DOCK1: variants seen among roughly 807,000 people sequenced by gnomAD.
DOCK1 encodes dedicator of cytokinesis 1.
Under a neutral mutation model 262.7 loss-of-function variants are expected in DOCK1, and 138 were observed. That is an observed-to-expected ratio of 0.53 (90% CI 0.46 to 0.61). The LOEUF is 0.61. Among genes scored for constraint, DOCK1 ranks in the 20% least tolerant of loss-of-function variants. DOCK1 has a pLI of 0.00. For synonymous variants in DOCK1, 866 were observed against 867.4 expected (o/e 1.00, Z 0.03); for missense variants, 1,908 against 2,370.7 (o/e 0.80, Z 4.05).
chr10:127,031,586 TATA>T, intron 16 of DOCK1, 61 bp from the exon 17 acceptor site: 13 of 1,305,004 alleles, frequency 1.0e-5, no homozygotes, highest in Admixed American at 7.7e-5. Flanking sequence ...TGTAGCTTCT[TATA>T]ATGTTATTTT....
intron 27 of DOCK1, among the ~76,000 whole-genome samples, chr10:127,173,160 G>A (rs978222924): frequency 2.0e-5 from 3 of 152,238 alleles, no homozygotes; most frequent in South Asian, 4.2e-4. Context: ...CAACACTCAT[G>A]CCACTAGTGG....
intron 23 of DOCK1, among the ~76,000 whole-genome samples, chr10:127,088,540 TAAC>T (rs988569701): frequency 1.2e-4 from 19 of 152,206 alleles, no homozygotes; most frequent in African/African-American, 4.3e-4. Context: ...TCTCTGAAAA[TAAC>T]AATGATTATG....
intron 29 of DOCK1, among the ~76,000 whole-genome samples, chr10:127,296,052 G>A (rs2061494175): frequency 6.6e-6 from 1 of 152,108 alleles, no homozygotes; most frequent in Non-Finnish European, 1.5e-5. Context: ...TAACCTCTCT[G>A]GGATTTCCTT....
intron 27 of DOCK1, among the ~76,000 whole-genome samples, chr10:127,153,049 GT>G (rs1386569761): frequency 6.6e-6 from 1 of 152,072 alleles, no homozygotes; most frequent in Non-Finnish European, 1.5e-5. Flanking sequence ...TTTTTAGAGG[GT>G]TTTTTGGTTT....
At chr10:127,245,475 G>A (rs766742084) in intron 27 of DOCK1, among the ~76,000 whole-genome samples, 13 of 152,336 alleles carry the variant, frequency 8.5e-5, no homozygotes, top group African/African-American at 1.4e-4. Flanking sequence ...AAGGGGCCGC[G>A]TGGTTGCCTT....
chr10:127,276,021 G>T (rs2135230301), intron 29 of DOCK1, among the ~76,000 whole-genome samples: 1 of 152,336 alleles, frequency 6.6e-6, no homozygotes, highest in Non-Finnish European at 1.5e-5. Context: ...CTCACAAGTA[G>T]AAGAGTCTAA....
At chr10:127,089,479 A>G (rs2047390698) in intron 23 of DOCK1, among the ~76,000 whole-genome samples, 1 of 151,702 alleles carries the variant, frequency 6.6e-6, no homozygotes, top group South Asian at 2.1e-4. Context: ...TCCAGCCTCA[A>G]TCTCCACTCT....
At chr10:127,038,025 G>A (rs1220878223) in intron 19 of DOCK1, among the ~76,000 whole-genome samples, 2 of 152,012 alleles carry the variant, frequency 1.3e-5, no homozygotes, top group African/African-American at 2.4e-5. Flanking sequence ...CCTGAGGTCA[G>A]GAGTTCAAGA....
chr10:127,137,009 T>G (rs918545312), intron 27 of DOCK1: 3 of 152,636 alleles, frequency 2.0e-5, no homozygotes, highest in Admixed American at 2.0e-4. Context: ...CTCAGATTCT[T>G]GCCAGAATGT....
At chr10:127,026,995 C>T (rs973105950) in intron 16 of DOCK1, among the ~76,000 whole-genome samples, 4 of 152,246 alleles carry the variant, frequency 2.6e-5, no homozygotes, top group Non-Finnish European at 5.9e-5. Context: ...TCAACTAAAG[C>T]TGTAGCCCTG....
chr10:126,938,715 A>G (rs1292290676), intron 1 of DOCK1, among the ~76,000 whole-genome samples: 1 of 151,174 alleles, frequency 6.6e-6, no homozygotes, highest in Non-Finnish European at 1.5e-5. Context: ...TGCTTCCAAA[A>G]TGGCACCTTG....
intron 6 of DOCK1, 142 bp downstream of exon 6, chr10:126,990,745 A>G (rs2039731125): frequency 1.8e-6 from 2 of 1,126,838 alleles, no homozygotes; most frequent in South Asian, 3.4e-5. Context: ...TCATTTTGAA[A>G]AGGATGAGGT....
At chr10:127,158,835 C>G (rs1007083793) in intron 27 of DOCK1, among the ~76,000 whole-genome samples, 61 of 152,152 alleles carry the variant, frequency 4.0e-4, no homozygotes, top group Admixed American at 3.3e-3. Flanking sequence ...ATGCATATAG[C>G]TTGGAAAACA....
At chr10:127,439,453 C>T (rs1044083717) in intron 49 of DOCK1, among the ~76,000 whole-genome samples, 5 of 152,192 alleles carry the variant, frequency 3.3e-5, no homozygotes, top group Non-Finnish European at 5.9e-5. Context: ...GTCCCCCTTC[C>T]GCAGGGCCTG....
At chr10:127,374,373 A>G (rs2065369857) in intron 35 of DOCK1, among the ~76,000 whole-genome samples, 159 bp downstream of exon 35, 1 of 152,158 alleles carries the variant, frequency 6.6e-6, no homozygotes, top group Non-Finnish European at 1.5e-5. Flanking sequence ...GGAAGGAATC[A>G]TGAAGTCGTC....
intron 29 of DOCK1, among the ~76,000 whole-genome samples, chr10:127,327,314 C>T (rs1053358371): frequency 6.6e-6 from 1 of 152,228 alleles, no homozygotes; most frequent in African/African-American, 2.4e-5. Context: ...CCACCCTCAT[C>T]AATGGTCTAT....
At chr10:127,058,379 T>C (rs1000068268) in intron 22 of DOCK1, among the ~76,000 whole-genome samples, 103 of 152,038 alleles carry the variant, frequency 6.8e-4, no homozygotes, top group Admixed American at 2.1e-3. Flanking sequence ...TTCCATCCTT[T>C]TATTTTCATG....
chr10:127,373,697 C>T lies in DOCK1; in HGVS notation c.3433-84C>T, dbSNP rs2065334369. ...TAGCCATCTATGATGATCTCTCTTG[C>T]CGATTTATGTTCTATTGACACTCAA... On this transcript the variant is annotated intron_variant, in intron 33 of 51. Transcript: ENST00000623213. The T allele has an allele frequency of 3.1e-6, 4 of 1,280,162 alleles. No homozygotes were observed. The South Asian group carries it at 5.2e-5, about 17-fold the overall frequency. 79.3% of individuals were successfully genotyped at this position (1,280,162 alleles called of 1,614,324 possible).
intron 27 of DOCK1, among the ~76,000 whole-genome samples, chr10:127,187,463 G>A (rs547068484): frequency 1.1e-4 from 16 of 152,276 alleles, no homozygotes; most frequent in South Asian, 4.1e-4. Context: ...GTATGCTTTC[G>A]CCTTCTTGAA....
Sources: gnomAD v4.1 joint callset for allele counts (sites outside exome capture counted in the v4.1 genomes callset) on GRCh38, gnomAD v4.1.1 for gene constraint, MANE v1.5 for transcripts, NCBI Gene and HGNC (gene_info 2026-07-23, HGNC 2026-07-21) for gene names.